Variants in PCSK1N observed in about 807,000 individuals in gnomAD.
PCSK1N encodes proSAAS.
A neutral mutation model predicts 10.6 loss-of-function variants in PCSK1N; 8 were observed. That is an observed-to-expected ratio of 0.76 (90% CI 0.44 to 1.37). The LOEUF (loss-of-function observed/expected upper bound fraction) is 1.37, where lower values mean the gene tolerates loss of function less well. PCSK1N is among the 40% of genes most tolerant of loss of function. PCSK1N has a pLI of 0.00. For missense variants in PCSK1N, 301 were observed against 268.5 expected (o/e 1.12, Z -0.84); for synonymous variants, 143 against 137.1 (o/e 1.04, Z -0.30).
intron 1 of PCSK1N, among the ~76,000 whole-genome samples, chrX:48,834,309 T>G (rs1336992728): frequency 9.0e-6 from 1 of 111,458 alleles, no homozygotes; most frequent in Non-Finnish European, 1.9e-5. Flanking sequence ...TAACAGTTTT[T>G]TTTAATTCCC....
chrX:48,831,888 C>G lies in PCSK1N; in HGVS notation c.568G>C (p.Val190Leu). The G allele has an allele frequency of 1.8e-6, 2 of 1,085,767 alleles. No individual in the cohort carries two copies. The highest frequency in any genetic ancestry group is 3.6e-4 in the Middle Eastern group (1 of 2,812). The allele number at this position is 1,085,767 out of a possible 1,213,427, so 89.5% of individuals were successfully genotyped here. ...GGGCACCTCAACAGCTCGGGGTCCA[C>G]GTCGGGTGTCTCGTCGCCTGCCTCC... The part of the protein sequence containing the change: ...AEEAGDETPD[V>L]DPELLRYLLG... The change falls in exon 2 of 3, where the codon GTG becomes CTG. Residue 190 changes from valine (V) to leucine (L), a missense_variant. Coordinates refer to ENST00000218230, the MANE Select transcript of PCSK1N (RefSeq NM_013271.5).
chrX:48,831,540 C>T, intron 2 of PCSK1N, 85 bp from the exon 3 acceptor site: 1 of 747,111 alleles, frequency 1.3e-6, no homozygotes, highest in Non-Finnish European at 1.8e-6. Flanking sequence ...AACGCAGGAT[C>T]CACAACCACA....
chrX:48,833,224 A>C (rs371156687), intron 1 of PCSK1N, among the ~76,000 whole-genome samples: 1 of 111,370 alleles, frequency 9.0e-6, no homozygotes, highest in South Asian at 3.7e-4. Context: ...CAAAAAATAA[A>C]ACCAAAAAAA....
chrX:48,831,276 C>T lies in PCSK1N; in HGVS notation c.767G>A (p.Arg256His). 8.4e-7 allele frequency: 1 copy of T among 1,183,467 alleles called. No homozygotes were observed. Residue 256 changes from arginine (R) to histidine (H), a missense_variant, in exon 3 of 3, where the codon CGC becomes CAC. Transcript: ENST00000218230. ...ETPAPQVPARRLLPP is the reference protein window; with the variant it reads ...ETPAPQVPARHLLPP ...GGGCAGTGCTCAGGGTGGCAAGAGG[C>T]GGCGTGCAGGCACCTGGGGCGCCGG...
Position 48,831,863 on chromosome X carries a change from G to C in PCSK1N, c.587+6C>G. On this transcript the variant is annotated splice_donor_region_variant and intron_variant, in intron 2 of 2. Transcript: ENST00000218230. ...GCCCGACCCCTCCCCACCCCCTGCC[G>C]GGCACCTCAACAGCTCGGGGTCCAC... The C allele has an allele frequency of 9.5e-7, 1 of 1,048,333 alleles. No homozygotes were observed. The highest frequency in any genetic ancestry group is 1.2e-6 in the Non-Finnish European group (1 of 821,398). The allele number at this position is 1,048,333 out of a possible 1,213,427, so 86.4% of individuals were successfully genotyped here.
Position 48,832,059 on chromosome X carries a change from C to T in PCSK1N, c.397G>A (p.Ala133Thr). 1 of 1,118,502 alleles carries T rather than the reference C, an allele frequency of 8.9e-7. No homozygotes were observed. Among genetic ancestry groups the T allele is most frequent in the Non-Finnish European group, 1.2e-6 (1 of 857,484 alleles). 92.2% of individuals were successfully genotyped at this position (1,118,502 alleles called of 1,213,427 possible). A position where few individuals can be genotyped will look rare whatever the true frequency, so the allele number is the denominator to read the frequency against. The change falls in exon 2 of 3, where the codon GCA (alanine) becomes ACA (threonine). Residue 133 changes from alanine (A) to threonine (T), a missense_variant. By Grantham distance (58) the Ala-to-Thr change is moderately conservative. Transcript: ENST00000218230. Reference sequence around the variant, plus strand: ...AGCAGAGCGCGAGCGAGCTGCGCTGCAGGCGCGTCGGGGTCGTCGTCCAGG... The same window carrying T: ...AGCAGAGCGCGAGCGAGCTGCGCTGTAGGCGCGTCGGGGTCGTCGTCCAGG... ...LGLDDDPDAP[A>T]AQLARALLRA...
chrX:48,831,470 G>A lies in PCSK1N; in HGVS notation c.588-15C>T, dbSNP rs782152215. 1.0e-4 allele frequency: 106 copies of A among 1,043,890 alleles called. No individual in the cohort carries two copies. Among genetic ancestry groups the A allele is most frequent in the Non-Finnish European group, 1.3e-4 (105 of 816,342 alleles). The allele number at this position is 1,043,890 out of a possible 1,213,427, so 86.0% of individuals were successfully genotyped here. On this transcript the variant is annotated splice_polypyrimidine_tract_variant and intron_variant, in intron 2 of 2. Coordinates refer to ENST00000218230, the MANE Select transcript of PCSK1N (RefSeq NM_013271.5). ...CCAGCAAGTACCTGCAGGGCCGAGC[G>A]CAAAGCAGTGAGGCGGTGTCCGCGG...
Position 48,831,950 on chromosome X carries a change from G to T in PCSK1N, c.506C>A (p.Pro169Gln), listed in dbSNP as rs1165518703. The stretch of plus-strand genomic sequence containing the variant: ...GCCCGCGGGGCCGTCGTCGTAGACC[G>T]GGGGCCGGGGTCGGAGCGCCGCGGC... Reference protein sequence around the residue: ...VPAAALRPRPPVYDDGPAGPD... With the variant: ...VPAAALRPRPQVYDDGPAGPD... Residue 169 changes from proline (P) to glutamine (Q), a missense_variant, in exon 2 of 3, where the codon CCG (proline) becomes CAG (glutamine). Physicochemically the swap from Pro to Gln is moderately conservative, Grantham distance 76. Coordinates refer to ENST00000218230, the MANE Select transcript of PCSK1N (RefSeq NM_013271.5). 2.8e-6 allele frequency: 3 copies of T among 1,062,976 alleles called. No homozygotes were observed. Among genetic ancestry groups the T allele is most frequent in the Non-Finnish European group, 3.6e-6 (3 of 829,626 alleles). 87.6% of individuals were successfully genotyped at this position (1,062,976 alleles called of 1,213,427 possible).
chrX:48,831,532 C>T lies in PCSK1N; in HGVS notation c.588-77G>A, dbSNP rs2063172698. On this transcript the variant is annotated intron_variant, in intron 2 of 2. Coordinates refer to ENST00000218230, the MANE Select transcript of PCSK1N (RefSeq NM_013271.5). ...CCCGCCCCACGCTCGGGGCCCAGAACGCAGGATCCACAACCACATACTGCC... is the reference window on the plus strand; with the variant it reads ...CCCGCCCCACGCTCGGGGCCCAGAATGCAGGATCCACAACCACATACTGCC... The T allele has an allele frequency of 4.9e-6, 4 of 823,205 alleles. No individual in the cohort carries two copies. In the East Asian group the frequency reaches 1.7e-4, roughly 34 times the overall value. The allele number at this position is 823,205 out of a possible 1,213,427, so 67.8% of individuals were successfully genotyped here.
chrX:48,834,539 G>A (rs2063181302), intron 1 of PCSK1N: 1 of 748,600 alleles, frequency 1.3e-6, no homozygotes, highest in Non-Finnish European at 1.6e-6. Context: ...ATCCGCAGCT[G>A]CTCCTGCAGT....
At position 48,831,385 on chromosome X, in the gene PCSK1N, G is replaced by C. The variant is rs782260877; in HGVS notation, c.658C>G (p.Arg220Gly). ...GAGCCCACATCGTGGTCGGCGGCAC[G>C]GCGGAGGCGGCGCGGGGCTGCCACC... ...EGVAAPRRLRRAADHDVGSEL... is the reference protein window; with the variant it reads ...EGVAAPRRLRGAADHDVGSEL... Residue 220 changes from arginine (R) to glycine (G), a missense_variant, in exon 3 of 3, where the codon CGT becomes GGT. Transcript: ENST00000218230. 1 of 1,107,330 alleles carries C rather than the reference G, an allele frequency of 9.0e-7. No individual in the cohort carries two copies. Among genetic ancestry groups the C allele is most frequent in the East Asian group, 3.4e-5 (1 of 29,539 alleles). The allele number at this position is 1,107,330 out of a possible 1,213,427, so 91.3% of individuals were successfully genotyped here.
Position 48,831,150 on chromosome X carries a change from G to A in PCSK1N, c.*110C>T. ...GGGGGTAGGGATCCTCGGGTGAGAG[G>A]GCTGGCTGGCCGGGGTAAGTTGCTC... On this transcript the variant is annotated 3_prime_UTR_variant, in exon 3 of 3. Transcript: ENST00000218230. The A allele has an allele frequency of 1.6e-6, 1 of 616,121 alleles. No individual in the cohort carries two copies. The highest frequency in any genetic ancestry group is 5.4e-4 in the Middle Eastern group (1 of 1,854). 50.8% of individuals were successfully genotyped at this position (616,121 alleles called of 1,213,427 possible).
At position 48,832,205 on chromosome X, in the gene PCSK1N, T is replaced by A. The variant is rs782356050; in HGVS notation, c.251A>T (p.Glu84Val). Residue 84 changes from glutamate (E) to valine (V), a missense_variant, in exon 2 of 3, where the codon GAG becomes GTG. Glu to Val is a moderately radical substitution (Grantham distance 121, BLOSUM62 -2). Transcript: ENST00000218230. Reference protein sequence around the residue: ...ELARALAHLLEAERQERARAE... With the variant: ...ELARALAHLLVAERQERARAE... ...CCGCGCCCGCTCCTGACGTTCGGCC[T>A]CCAGCAGATGCGCCAGCGCCCGCGC... The A allele has an allele frequency of 4.3e-6, 5 of 1,160,686 alleles. No individual in the cohort carries two copies. Among genetic ancestry groups the A allele is most frequent in the Non-Finnish European group, 4.6e-6 (4 of 875,626 alleles).
intron 1 of PCSK1N, among the ~76,000 whole-genome samples, chrX:48,833,988 G>C (rs1322106876): frequency 9.0e-6 from 1 of 111,646 alleles, no homozygotes; most frequent in African/African-American, 3.3e-5. Flanking sequence ...TAGTGACTAC[G>C]AGGAACCAGT....
intron 1 of PCSK1N, among the ~76,000 whole-genome samples, chrX:48,832,870 G>T (rs906418385): frequency 9.9e-5 from 11 of 110,716 alleles, no homozygotes; most frequent in African/African-American, 3.0e-4. Flanking sequence ...AGGAATAAAA[G>T]ATCATAAAAA....
chrX:48,832,324 G>T lies in PCSK1N; in HGVS notation c.132C>A (p.Ser44Arg). The T allele has an allele frequency of 8.9e-7, 1 of 1,126,493 alleles. No homozygotes were observed. The highest frequency in any genetic ancestry group is 1.2e-6 in the Non-Finnish European group (1 of 854,106). 92.8% of individuals were successfully genotyped at this position (1,126,493 alleles called of 1,213,427 possible). A position where few individuals can be genotyped will look rare whatever the true frequency, so the allele number is the denominator to read the frequency against. Residue 44 changes from serine to arginine, a missense_variant, in exon 2 of 3, where the codon AGC becomes AGA. Coordinates refer to ENST00000218230, the MANE Select transcript of PCSK1N (RefSeq NM_013271.5). ...ARPVKEPRGL[S>R]AASPPLAETG... Reference sequence around the variant, plus strand: ...TCTCAGCCAAGGGCGGAGACGCTGCGCTTAGGCCGCGGGGCTCCTGCGGGA... The same window carrying T: ...TCTCAGCCAAGGGCGGAGACGCTGCTCTTAGGCCGCGGGGCTCCTGCGGGA...
intron 1 of PCSK1N, among the ~76,000 whole-genome samples, chrX:48,833,672 G>A (rs1026156547): frequency 9.0e-6 from 1 of 111,529 alleles, no homozygotes; most frequent in African/African-American, 3.3e-5. Flanking sequence ...ATACGCTACT[G>A]GTCACAAGTT....
chrX:48,832,196 C>G lies in PCSK1N; in HGVS notation c.260G>C (p.Arg87Pro). The change falls in exon 2 of 3, where the codon CGT becomes CCT. Residue 87 changes from arginine (R) to proline (P), a missense_variant. By Grantham distance (103) the Arg-to-Pro change is moderately radical. Transcript: ENST00000218230. ...RALAHLLEAE[R>P]QERARAEAQE... ...CGCCTCGGCCCGCGCCCGCTCCTGACGTTCGGCCTCCAGCAGATGCGCCAG... is the reference window on the plus strand; with the variant it reads ...CGCCTCGGCCCGCGCCCGCTCCTGAGGTTCGGCCTCCAGCAGATGCGCCAG... The G allele has an allele frequency of 8.6e-7, 1 of 1,160,026 alleles. No individual in the cohort carries two copies. The highest frequency in any genetic ancestry group is 1.1e-6 in the Non-Finnish European group (1 of 875,795).
intron 1 of PCSK1N, among the ~76,000 whole-genome samples, chrX:48,834,164 G>A (rs2063180541): frequency 8.9e-6 from 1 of 111,814 alleles, no homozygotes; most frequent in Non-Finnish European, 1.9e-5. Flanking sequence ...GCCATGGCGA[G>A]GGGCACGCAG....
Sources: allele counts gnomAD v4.1 joint callset (sites outside exome capture counted in the v4.1 genomes callset), GRCh38; gene constraint gnomAD v4.1.1; transcripts MANE v1.5; gene names NCBI Gene and HGNC (gene_info 2026-07-23, HGNC 2026-07-21).